NAALADL2: variants seen among roughly 807,000 people sequenced by gnomAD.
NAALADL2 encodes inactive N-acetylated-alpha-linked acidic dipeptidase-like protein 2.
Under a neutral mutation model 87.2 loss-of-function variants are expected in NAALADL2, and 76 were observed. The ratio of observed to expected loss-of-function variants is 0.87; its 90% confidence interval spans 0.72 to 1.05. The LOEUF (loss-of-function observed/expected upper bound fraction) is 1.05. Among genes scored for constraint, NAALADL2 ranks in the 50% least tolerant of loss-of-function variants. The pLI is 0.00. For synonymous variants in NAALADL2, 354 were observed against 331.0 expected, an observed-to-expected ratio of 1.07 and a Z score of -0.75; for missense variants, 1,089 against 945.8, an observed-to-expected ratio of 1.15 and a Z score of -1.99.
At chr3:175,703,548 G>C (rs2149975541) in intron 11 of NAALADL2, among the ~76,000 whole-genome samples, 1 of 152,216 alleles carries the variant, frequency 6.6e-6, no homozygotes, top group South Asian at 2.1e-4. Flanking sequence ...TTCGAGACCA[G>C]CCTGACCAAC....
At chr3:175,732,006 A>G (rs1011627899) in intron 11 of NAALADL2, among the ~76,000 whole-genome samples, 1 of 152,024 alleles carries the variant, frequency 6.6e-6, no homozygotes, top group Non-Finnish European at 1.5e-5. Context: ...TTATTTTTAT[A>G]TTTTGGTGTT....
At chr3:175,635,112 G>C (rs1287899157) in intron 11 of NAALADL2, among the ~76,000 whole-genome samples, 1 of 152,048 alleles carries the variant, frequency 6.6e-6, no homozygotes, top group African/African-American at 2.4e-5. Flanking sequence ...ACTGAAACTG[G>C]AGATTGTGCC....
At chr3:174,797,301 TTTTC>T (rs1560234185) in intron 3 of NAALADL2, among the ~76,000 whole-genome samples, 10 of 100,018 alleles carry the variant, frequency 1.0e-4, no homozygotes, top group South Asian at 3.2e-4. Context: ...TGTTTTTCTT[TTTTC>T]TTTTTTTTTT....
At chr3:175,378,767 A>G (rs189316132) in intron 5 of NAALADL2, among the ~76,000 whole-genome samples, 9 of 152,284 alleles carry the variant, frequency 5.9e-5, no homozygotes, top group East Asian at 1.9e-4. Flanking sequence ...GATTCAAAAC[A>G]TGTTACTGTC....
At chr3:175,575,925 C>A in intron 9 of NAALADL2, 116 bp from the exon 10 acceptor site, 1 of 813,974 alleles carries the variant, frequency 1.2e-6, no homozygotes, top group Middle Eastern at 3.7e-4. Flanking sequence ...GCATTTTTAA[C>A]AGTCTCCAGG....
intron 1 of NAALADL2, among the ~76,000 whole-genome samples, chr3:175,096,237 T>G (rs1253698061): frequency 6.6e-6 from 1 of 152,132 alleles, no homozygotes; most frequent in African/African-American, 2.4e-5. Context: ...GAATTCATAC[T>G]TCATTTAGTT....
At chr3:175,412,898 T>TTATTATTAG (rs1005529951) in intron 5 of NAALADL2, among the ~76,000 whole-genome samples, 1 of 138,912 alleles carries the variant, frequency 7.2e-6, no homozygotes, top group Non-Finnish European at 1.6e-5. Flanking sequence ...TTATTTATTA[T>TTATTATTAG]TATTATTATT....
rs559523625 is a variant in NAALADL2 at position 175,439,959 on chromosome 3, C to A, written c.1091-7270C>A. ...TGGGTTCTAGGTCATGAAGTCTTTG[C>A]CTAAGCCAGTGTCTAGAAGGGTTTT... On this transcript the variant is annotated intron_variant, in intron 5 of 13. Transcript: ENST00000454872. Among the ~76,000 whole-genome samples, 8 of 152,068 alleles carry A rather than the reference C, an allele frequency of 5.3e-5. No individual in the cohort carries two copies. In the East Asian group the frequency reaches 9.6e-4, roughly 18 times the overall value.
At chr3:175,405,481 T>A (rs1452423724) in intron 5 of NAALADL2, among the ~76,000 whole-genome samples, 1 of 152,192 alleles carries the variant, frequency 6.6e-6, no homozygotes, top group Non-Finnish European at 1.5e-5. Context: ...TACGATAATT[T>A]TTTTTCAAAT....
intron 3 of NAALADL2, among the ~76,000 whole-genome samples, chr3:174,829,739 A>G (rs1386021025): frequency 7.0e-6 from 1 of 143,692 alleles, no homozygotes; most frequent in African/African-American, 2.6e-5. Flanking sequence ...CCAACAGTGT[A>G]GAAGTGTTCC....
intron 2 of NAALADL2, among the ~76,000 whole-genome samples, chr3:174,649,055 G>C (rs550760514): frequency 6.6e-6 from 1 of 152,196 alleles, no homozygotes; most frequent in African/African-American, 2.4e-5. Context: ...CTGCCTCCCA[G>C]GTTCAAGTGA....
intron 2 of NAALADL2, among the ~76,000 whole-genome samples, chr3:175,232,823 T>G (rs1173436352): frequency 6.6e-6 from 1 of 152,168 alleles, no homozygotes; most frequent in Non-Finnish European, 1.5e-5. Context: ...AAGATTCTTT[T>G]AAGAAGATAC....
chr3:174,673,101 G>T (rs1259268817), intron 2 of NAALADL2, among the ~76,000 whole-genome samples: 1 of 151,992 alleles, frequency 6.6e-6, no homozygotes, highest in Non-Finnish European at 1.5e-5. Context: ...ATAAAGAAAA[G>T]ATACATTTTT....
chr3:175,032,263 A>G (rs542120833), intron 1 of NAALADL2, among the ~76,000 whole-genome samples: 16 of 152,130 alleles, frequency 1.1e-4, no homozygotes, highest in South Asian at 4.1e-4. Context: ...TTTTAAACAA[A>G]ATTGTTAATA....
chr3:175,269,127 C>T (rs2862006), intron 4 of NAALADL2, among the ~76,000 whole-genome samples: 11,156 of 151,260 alleles, frequency 0.074, 527 homozygotes, highest in East Asian at 0.15. Context: ...TCAGTAGAGA[C>T]GGGATTTCAC....
chr3:175,272,149 G>A (rs931388923), intron 4 of NAALADL2, among the ~76,000 whole-genome samples: 3 of 152,114 alleles, frequency 2.0e-5, no homozygotes, highest in Non-Finnish European at 4.4e-5. Context: ...TAAGGAGTTT[G>A]TCATTTTTAG....
chr3:174,717,873 C>T (rs1006166358), intron 2 of NAALADL2, among the ~76,000 whole-genome samples: 1 of 152,082 alleles, frequency 6.6e-6, no homozygotes, highest in Non-Finnish European at 1.5e-5. Context: ...TGCCTGTAAT[C>T]CCAGTGCTTT....
chr3:175,732,656 G>A (rs968359321), intron 11 of NAALADL2, among the ~76,000 whole-genome samples: 1 of 152,016 alleles, frequency 6.6e-6, no homozygotes, highest in African/African-American at 2.4e-5. Flanking sequence ...GTGTTGGGAG[G>A]GTGCGGGGTA....
chr3:175,513,441 T>G (rs1177082954), intron 9 of NAALADL2, among the ~76,000 whole-genome samples: 1 of 152,242 alleles, frequency 6.6e-6, no homozygotes, highest in Non-Finnish European at 1.5e-5. Context: ...TCATTATTAC[T>G]GAAAATTATT....
Sources: allele counts gnomAD v4.1 joint callset (sites outside exome capture counted in the v4.1 genomes callset), GRCh38; gene constraint gnomAD v4.1.1; transcripts MANE v1.5; gene names NCBI Gene and HGNC (gene_info 2026-07-23, HGNC 2026-07-21).